KHDRBS2: variants seen among roughly 807,000 people sequenced by gnomAD.
KHDRBS2 encodes the protein KH domain-containing, RNA-binding, signal transduction-associated protein 2.
A neutral mutation model predicts 44.3 loss-of-function variants in KHDRBS2; 26 were observed. That is an observed-to-expected ratio of 0.59 (90% CI 0.43 to 0.81). The LOEUF is 0.81. Ranked by LOEUF, KHDRBS2 falls within the 40% of genes least tolerant of loss-of-function variation. The probability of loss-of-function intolerance (pLI) is 0.00; values close to 1 mark genes in which losing one functional copy is unlikely to be tolerated. For missense variants in KHDRBS2, 476 were observed against 433.1 expected (o/e 1.10, Z -0.88); for synonymous variants, 194 against 151.1 (o/e 1.28, Z -2.08).
At chr6:62,036,460 T>C (rs191199690) in intron 3 of KHDRBS2, among the ~76,000 whole-genome samples, 1 of 151,894 alleles carries the variant, frequency 6.6e-6, no homozygotes, top group Non-Finnish European at 1.5e-5. Context: ...TTACCTGTCT[T>C]ACAAAATAAT....
intron 6 of KHDRBS2, among the ~76,000 whole-genome samples, chr6:61,838,102 T>G (rs890761658): frequency 6.6e-6 from 1 of 152,034 alleles, no homozygotes; most frequent in Non-Finnish European, 1.5e-5. Context: ...TCTTTCTACT[T>G]TGCTGTGGAT....
At chr6:61,686,923 T>C (rs935426034) in intron 8 of KHDRBS2, among the ~76,000 whole-genome samples, 1 of 151,544 alleles carries the variant, frequency 6.6e-6, no homozygotes, top group African/African-American at 2.4e-5. Flanking sequence ...TTTACTGTAG[T>C]TTTAATTTTG....
intron 1 of KHDRBS2, among the ~76,000 whole-genome samples, chr6:62,231,029 C>A (rs1318719144): frequency 6.6e-6 from 1 of 152,140 alleles, no homozygotes; most frequent in Non-Finnish European, 1.5e-5. Flanking sequence ...AACACATGAG[C>A]TATTATACCT....
chr6:62,098,586 C>A (rs1318338171), intron 2 of KHDRBS2, among the ~76,000 whole-genome samples: 2 of 152,040 alleles, frequency 1.3e-5, no homozygotes, highest in Non-Finnish European at 2.9e-5. Context: ...TCTTTGTCTT[C>A]GACCTTTGAG....
rs1341227782 is a variant in KHDRBS2, at chr6:61,943,613, G to C, written c.483+34453C>G. 2.0e-5 allele frequency among the ~76,000 whole-genome samples: 3 copies of C among 149,884 alleles called. No individual in the cohort carries two copies. In the Admixed American group the frequency reaches 2.0e-4, roughly 10 times the overall value. ...CTAAGTAAAGATTTTATGGCTAAGAGCTCAATAGCACAGATAACTGAAACA... is the reference window on the plus strand; with the variant it reads ...CTAAGTAAAGATTTTATGGCTAAGACCTCAATAGCACAGATAACTGAAACA... On this transcript the variant is annotated intron_variant, in intron 4 of 8. Coordinates refer to ENST00000281156, the MANE Select transcript of KHDRBS2 (RefSeq NM_152688.4).
chr6:61,634,022 G>A, the KHDRBS2 span, among the ~76,000 whole-genome samples: 4 of 152,122 alleles, frequency 2.6e-5, no homozygotes, highest in African/African-American at 4.8e-5. Context: ...TGGCAGAGAC[G>A]TCATTTATTA....
intron 1 of KHDRBS2, among the ~76,000 whole-genome samples, chr6:62,256,084 A>G (rs148872688): frequency 1.5e-3 from 226 of 151,996 alleles, no homozygotes; most frequent in African/African-American, 5.3e-3. Context: ...GCAGTGAGCC[A>G]AGATCACACC....
chr6:61,993,675 T>TATATATATATATATATATATATA lies in KHDRBS2; in HGVS notation c.337-15464_337-15463insTATATATATATATATATATATAT, dbSNP rs61137285. Among the ~76,000 whole-genome samples the TATATATATATATATATATATATA allele has an allele frequency of 8.7e-4, 65 of 74,872 alleles. 1 individual carries two copies. The highest frequency in any genetic ancestry group is 1.1e-3 in the Non-Finnish European group (39 of 35,102). 49.1% of individuals were successfully genotyped at this position (74,872 alleles called of 152,430 possible). ...CATATATATATATATATATATATATTTTTTTTTTTTGATGTGAGCTTATAT... is the reference window on the plus strand; with the variant it reads ...CATATATATATATATATATATATATTATATATATATATATATATATATATTTTTTTTTTGATGTGAGCTTATAT... On this transcript the variant is annotated intron_variant, in intron 3 of 8. Coordinates refer to ENST00000281156, the MANE Select transcript of KHDRBS2 (RefSeq NM_152688.4).
intron 6 of KHDRBS2, among the ~76,000 whole-genome samples, chr6:61,819,221 G>T (rs757375104): frequency 6.6e-6 from 1 of 151,942 alleles, no homozygotes; most frequent in Non-Finnish European, 1.5e-5. Context: ...TTGAGGAAAT[G>T]AATATTCAGA....
chr6:61,934,039 A>G (rs1299586649), intron 4 of KHDRBS2, among the ~76,000 whole-genome samples: 1 of 152,100 alleles, frequency 6.6e-6, no homozygotes, highest in Non-Finnish European at 1.5e-5. Context: ...TTTGATTTGC[A>G]TTAGTGATGT....
chr6:61,852,178 TGCCACTGTACTCCA>T (rs1422534165), intron 6 of KHDRBS2, among the ~76,000 whole-genome samples: 1 of 151,346 alleles, frequency 6.6e-6, no homozygotes, highest in Non-Finnish European at 1.5e-5. Flanking sequence ...GCTGAGATCA[TGCCACTGTACTCCA>T]GCCTGGGCAA....
rs557284151 is a variant in KHDRBS2 at position 62,166,190 on chromosome 6, T to A, written c.219+10995A>T. Among the ~76,000 whole-genome samples the A allele has an allele frequency of 1.1e-3, 172 of 152,182 alleles. 1 individual carries two copies. Among genetic ancestry groups the A allele is most frequent in the Non-Finnish European group, 1.4e-3 (98 of 67,958 alleles). On this transcript the variant is annotated intron_variant, in intron 2 of 8. Coordinates refer to ENST00000281156, the MANE Select transcript of KHDRBS2 (RefSeq NM_152688.4). ...TAAGGCTGAATAACATTCCATTATA[T>A]GTGTATACCACATTTTATTTATCTA...
chr6:61,552,019 T>C, the KHDRBS2 span, among the ~76,000 whole-genome samples: 5 of 151,802 alleles, frequency 3.3e-5, no homozygotes, highest in Non-Finnish European at 5.9e-5. Flanking sequence ...ATCCCAAAAC[T>C]TTACTGAAGT....
At chr6:61,893,829 C>T (rs1266502116) in intron 6 of KHDRBS2, among the ~76,000 whole-genome samples, 2 of 151,908 alleles carry the variant, frequency 1.3e-5, no homozygotes, top group Non-Finnish European at 2.9e-5. Flanking sequence ...AGCACACCAA[C>T]ATGGCATATG....
At chr6:61,565,942 T>A in the KHDRBS2 span, among the ~76,000 whole-genome samples, 3 of 151,908 alleles carry the variant, frequency 2.0e-5, no homozygotes, top group Non-Finnish European at 4.4e-5. Context: ...ACACAATAGC[T>A]AAAATATTTG....
intron 7 of KHDRBS2, among the ~76,000 whole-genome samples, chr6:61,710,290 T>A (rs1251282600): frequency 6.6e-6 from 1 of 151,812 alleles, no homozygotes; most frequent in Non-Finnish European, 1.5e-5. Flanking sequence ...TAAAGCCTGC[T>A]TACTACAAAA....
rs568667843 is a variant in KHDRBS2 at position 62,231,152 on chromosome 6, T to C, written c.92-53840A>G. Among the ~76,000 whole-genome samples the C allele has an allele frequency of 3.9e-5, 6 of 152,278 alleles. No homozygotes were observed. In the East Asian group the frequency reaches 9.7e-4, roughly 25 times the overall value. On this transcript the variant is annotated intron_variant, in intron 1 of 8. Coordinates refer to ENST00000281156, the MANE Select transcript of KHDRBS2 (RefSeq NM_152688.4). The stretch of plus-strand genomic sequence containing the variant: ...TGTAACTGTCTCATAGTCAATCACT[T>C]TTTGAGAGATCCAAATGTACACACA...
chr6:62,044,118 T>C (rs1787149041), intron 3 of KHDRBS2, among the ~76,000 whole-genome samples: 1 of 152,032 alleles, frequency 6.6e-6, no homozygotes, highest in African/African-American at 2.4e-5. Context: ...TCTTTTATCA[T>C]GAAGTAAAGA....
downstream of KHDRBS2, among the ~76,000 whole-genome samples, chr6:61,676,825 G>C (rs1206821258): frequency 6.6e-6 from 1 of 151,770 alleles, no homozygotes; most frequent in African/African-American, 2.4e-5. Flanking sequence ...CCATATTAAA[G>C]GCCATGCTAA....
Sources: allele counts gnomAD v4.1 joint callset (sites outside exome capture counted in the v4.1 genomes callset), GRCh38; gene constraint gnomAD v4.1.1; transcripts MANE v1.5; gene names NCBI Gene and HGNC (gene_info 2026-07-23, HGNC 2026-07-21).